The following CNTNAP5 variants were observed in gnomAD, a reference collection of about 807,000 sequenced individuals.
The protein encoded by CNTNAP5 is contactin associated protein family member 5.
CNTNAP5 carries 72 observed loss-of-function variants against 150.2 expected under a neutral mutation model. The observed-to-expected ratio is 0.48, with a 90% CI of 0.40 to 0.58. The LOEUF (loss-of-function observed/expected upper bound fraction) is 0.58. CNTNAP5 is among the 20% of genes least tolerant of loss of function. The pLI, the probability that CNTNAP5 is intolerant of heterozygous loss-of-function variation, is 0.00. For missense variants in CNTNAP5, 1,636 were observed against 1,626.2 expected (o/e 1.01, Z -0.10); for synonymous variants, 672 against 619.8 (o/e 1.08, Z -1.25).
intron 7 of CNTNAP5, among the ~76,000 whole-genome samples, chr2:124,475,642 A>T (rs533148019): frequency 6.6e-6 from 1 of 152,020 alleles, no homozygotes; most frequent in Non-Finnish European, 1.5e-5. Flanking sequence ...ATTATATAAT[A>T]TTATTATTTG....
intron 1 of CNTNAP5, among the ~76,000 whole-genome samples, chr2:124,083,500 T>C (rs1004272111): frequency 1.3e-5 from 2 of 152,238 alleles, no homozygotes; most frequent in African/African-American, 4.8e-5. Context: ...GCACTCTTTG[T>C]CTAGTATTAT....
chr2:124,527,287 T>C lies in CNTNAP5; in HGVS notation c.1480T>C (p.Cys494Arg), dbSNP rs1379357783. 2 of 1,612,432 alleles carry C rather than the reference T, an allele frequency of 1.2e-6. No individual in the cohort carries two copies. Among genetic ancestry groups the C allele is most frequent in the East Asian group, 2.2e-5 (1 of 44,816 alleles). ...CATCTTTTTTCTCTGTCCCACAGGG[T>C]GCCCCGACAATCTCACCGATTCCCA... is the stretch of plus-strand genomic sequence containing the variant. ...YSGNSYYFGG[C>R]PDNLTDSQCL... Residue 494 changes from cysteine to arginine, a missense_variant and splice_region_variant, in exon 10 of 24, where the codon TGC (cysteine) becomes CGC (arginine). Transcript: ENST00000682447.
At chr2:124,893,538 C>A (rs1678242431) in intron 21 of CNTNAP5, among the ~76,000 whole-genome samples, 1 of 152,024 alleles carries the variant, frequency 6.6e-6, no homozygotes, top group East Asian at 1.9e-4. Context: ...GTGTACTTAA[C>A]CTGGTGGAAG....
chr2:124,857,187 C>G (rs934419177), intron 19 of CNTNAP5, among the ~76,000 whole-genome samples: 3 of 152,144 alleles, frequency 2.0e-5, no homozygotes, highest in Non-Finnish European at 2.9e-5. Context: ...CACTTCAACT[C>G]GTGCAGCTCT....
At chr2:124,340,938 G>T (rs1341687456) in intron 3 of CNTNAP5, among the ~76,000 whole-genome samples, 1 of 149,964 alleles carries the variant, frequency 6.7e-6, no homozygotes, top group Non-Finnish European at 1.5e-5. Context: ...TAGGTGGGAA[G>T]GGTGGTGTGC....
chr2:124,590,311 T>C (rs1444497637), intron 11 of CNTNAP5, among the ~76,000 whole-genome samples: 1 of 152,216 alleles, frequency 6.6e-6, no homozygotes, highest in African/African-American at 2.4e-5. Flanking sequence ...CAACCACTAA[T>C]CTGGTTCCAT....
intron 22 of CNTNAP5, among the ~76,000 whole-genome samples, chr2:124,909,519 G>C (rs1678609687): frequency 6.6e-6 from 1 of 151,932 alleles, no homozygotes; most frequent in Non-Finnish European, 1.5e-5. Context: ...AGAAGCAGGA[G>C]GCATTTTAAG....
intron 3 of CNTNAP5, among the ~76,000 whole-genome samples, chr2:124,382,749 T>G (rs1393496397): frequency 6.6e-6 from 1 of 152,176 alleles, no homozygotes; most frequent in Non-Finnish European, 1.5e-5. Flanking sequence ...AATATTTTCC[T>G]GCCGTTATTC....
chr2:124,508,494 C>G (rs1186706955), intron 8 of CNTNAP5, among the ~76,000 whole-genome samples: 1 of 152,152 alleles, frequency 6.6e-6, no homozygotes, highest in African/African-American at 2.4e-5. Context: ...ACAAGGAAGG[C>G]CCTGGCAGCA....
In CNTNAP5 at chr2:124,859,218, A is replaced by C. The variant is rs533920216; in HGVS notation, c.3218-6088A>C. ...AACTCAAACAAATTTACAAGAAAAA[A>C]ACAAACAACCCCATCAACAAGTGGG... On this transcript the variant is annotated intron_variant, in intron 19 of 23. Transcript: ENST00000682447. 2.6e-5 allele frequency among the ~76,000 whole-genome samples: 4 copies of C among 152,296 alleles called. No individual in the cohort carries two copies. In the East Asian group the frequency reaches 7.7e-4, roughly 29 times the overall value.
intron 11 of CNTNAP5, among the ~76,000 whole-genome samples, chr2:124,598,940 G>A (rs1048699365): frequency 1.3e-5 from 2 of 152,066 alleles, no homozygotes; most frequent in Non-Finnish European, 2.9e-5. Flanking sequence ...CTTTGACTCG[G>A]AAAGGGAACT....
At chr2:124,098,626 G>GT (rs1390278510) in intron 1 of CNTNAP5, among the ~76,000 whole-genome samples, 2 of 151,950 alleles carry the variant, frequency 1.3e-5, no homozygotes, top group Non-Finnish European at 2.9e-5. Flanking sequence ...TGAGGCACAG[G>GT]TAAAAAAAAT....
intron 3 of CNTNAP5, among the ~76,000 whole-genome samples, chr2:124,283,817 G>A (rs891142807): frequency 1.3e-5 from 2 of 152,294 alleles, no homozygotes; most frequent in Non-Finnish European, 2.9e-5. Flanking sequence ...TCCTAGCTGT[G>A]TCTTCACATG....
intron 1 of CNTNAP5, among the ~76,000 whole-genome samples, chr2:124,075,449 A>C (rs1682415685): frequency 6.6e-6 from 1 of 152,108 alleles, no homozygotes; most frequent in Admixed American, 6.6e-5. Flanking sequence ...TTTCTCATTT[A>C]TGTTGATAAG....
At chr2:124,884,638 T>G (rs1178988952) in intron 21 of CNTNAP5, among the ~76,000 whole-genome samples, 1 of 151,830 alleles carries the variant, frequency 6.6e-6, no homozygotes, top group Non-Finnish European at 1.5e-5. Context: ...ACATTTCCTA[T>G]AAAAAAAACT....
intron 1 of CNTNAP5, among the ~76,000 whole-genome samples, chr2:124,063,048 T>C (rs1243632878): frequency 6.6e-6 from 1 of 152,114 alleles, no homozygotes; most frequent in African/African-American, 2.4e-5. Flanking sequence ...TTTTGTTTCT[T>C]TTCCTGTCCT....
intron 3 of CNTNAP5, among the ~76,000 whole-genome samples, chr2:124,389,568 G>C (rs1691056456): frequency 1.3e-5 from 2 of 152,120 alleles, no homozygotes; most frequent in South Asian, 4.1e-4. Context: ...TGGAGATTCT[G>C]GTCTCAATTG....
chr2:124,752,970 AAG>A (rs1006125199), intron 14 of CNTNAP5, among the ~76,000 whole-genome samples: 1 of 152,286 alleles, frequency 6.6e-6, no homozygotes, highest in Non-Finnish European at 1.5e-5. Context: ...GGCCCAAATG[AAG>A]AGTCTTCTCA....
At chr2:124,249,375 C>T (rs1183559821) in intron 3 of CNTNAP5, among the ~76,000 whole-genome samples, 1 of 152,146 alleles carries the variant, frequency 6.6e-6, no homozygotes, top group Admixed American at 6.6e-5. Context: ...GAGCCAGGCA[C>T]CCTTTTAAGT....
Sources: gnomAD v4.1 joint callset for allele counts (sites outside exome capture counted in the v4.1 genomes callset) on GRCh38, gnomAD v4.1.1 for gene constraint, MANE v1.5 for transcripts, NCBI Gene and HGNC (gene_info 2026-07-23, HGNC 2026-07-21) for gene names.